Variants in ADCY3 observed in about 807,000 individuals in gnomAD.
The protein encoded by ADCY3 is adenylate cyclase type 3.
Under a neutral mutation model 119.4 loss-of-function variants are expected in ADCY3, and 70 were observed. The ratio of observed to expected loss-of-function variants is 0.59; its 90% CI spans 0.48 to 0.72. The LOEUF is 0.72. ADCY3 is among the 30% of genes least tolerant of loss of function. The pLI is 0.00. For missense variants in ADCY3, 1,238 were observed against 1,541.6 expected, an observed-to-expected ratio of 0.80 and a Z score of 3.30; for synonymous variants, 672 against 621.4, an observed-to-expected ratio of 1.08 and a Z score of -1.21.
chr2:24,912,941 T>C (rs1296102227), intron 2 of ADCY3, among the ~76,000 whole-genome samples: 5 of 152,222 alleles, frequency 3.3e-5, no homozygotes, highest in African/African-American at 1.2e-4. Context: ...GTTCAATGAC[T>C]GATTATTCCT....
Position 24,834,252 on chromosome 2 carries a change from GAT to G in ADCY3, c.1967+231_1967+232del, listed in dbSNP as rs1296719685. Among the ~76,000 whole-genome samples, 1 of 152,204 alleles carries G rather than the reference GAT, an allele frequency of 6.6e-6. No homozygotes were observed. Among genetic ancestry groups the G allele is most frequent in the African/African-American group, 2.4e-5 (1 of 41,432 alleles). ...CCCTCAGCTCTCTTGATCCTGGCCAGATCCCCATTCTGACGCTAGGACTGCTC... is the reference window on the plus strand; with the variant it reads ...CCCTCAGCTCTCTTGATCCTGGCCAGCCCCATTCTGACGCTAGGACTGCTC... On this transcript the variant is annotated intron_variant, in intron 11 of 21. Coordinates refer to ENST00000679454, the MANE Select transcript of ADCY3 (RefSeq NM_004036.5). This position sits in a 1 kb window ranked among gnomAD's most constrained non-coding sequence, Gnocchi z 4.2.
At chr2:24,863,388 T>C (rs1360225535) in intron 3 of ADCY3, among the ~76,000 whole-genome samples, 2 of 152,222 alleles carry the variant, frequency 1.3e-5, no homozygotes, top group Non-Finnish European at 2.9e-5. Context: ...AACAGTGGAC[T>C]TGAAGTTCTT....
At chr2:24,881,545 G>A (rs1210930293) in intron 2 of ADCY3, among the ~76,000 whole-genome samples, 1 of 152,194 alleles carries the variant, frequency 6.6e-6, no homozygotes. Flanking sequence ...TGCAGCTCCT[G>A]ATGCGTCTGT....
rs552121439 is a variant in ADCY3, at chr2:24,902,090, T to G, written c.675+16223A>C. On this transcript the variant is annotated intron_variant, in intron 2 of 21. Coordinates refer to ENST00000679454, the MANE Select transcript of ADCY3 (RefSeq NM_004036.5). The stretch of plus-strand genomic sequence containing the variant: ...TGTGTGTGTGTATTTGGTTTTTTTT[T>G]TTTTTTTTGAGACAGGGTCTCACTC... 3.9e-3 allele frequency among the ~76,000 whole-genome samples: 571 copies of G among 147,880 alleles called. 7 individuals are homozygous for G. The highest frequency in any genetic ancestry group is 0.014 in the African/African-American group (554 of 40,258).
chr2:24,853,590 C>G (rs1040589643), intron 3 of ADCY3, among the ~76,000 whole-genome samples: 1 of 151,764 alleles, frequency 6.6e-6, no homozygotes, highest in Non-Finnish European at 1.5e-5. Flanking sequence ...CTGCCTCAGC[C>G]TCCCGAGTAG....
intron 3 of ADCY3, among the ~76,000 whole-genome samples, chr2:24,864,588 A>C (rs1423041312): frequency 1.3e-5 from 2 of 152,244 alleles, no homozygotes; most frequent in Admixed American, 1.3e-4. Flanking sequence ...AACCTTGAAG[A>C]CATCATGCTA....
chr2:24,853,918 G>A (rs967769527), intron 3 of ADCY3, among the ~76,000 whole-genome samples: 1 of 152,188 alleles, frequency 6.6e-6, no homozygotes, highest in Non-Finnish European at 1.5e-5. Context: ...TATAGCCATT[G>A]AATGAGGATA....
intron 7 of ADCY3, chr2:24,838,921 C>T: frequency 6.5e-7 from 1 of 1,535,022 alleles, no homozygotes; most frequent in Non-Finnish European, 8.8e-7. Context: ...CGCTGTAAAG[C>T]AGATCAAATG....
chr2:24,834,378 TG>T lies in ADCY3; in HGVS notation c.1967+106del. The T allele has an allele frequency of 7.3e-7, 1 of 1,364,782 alleles. No individual in the cohort carries two copies. Among genetic ancestry groups the T allele is most frequent in the Non-Finnish European group, 9.9e-7 (1 of 1,012,900 alleles). 84.5% of individuals were successfully genotyped at this position (1,364,782 alleles called of 1,614,324 possible). On this transcript the variant is annotated intron_variant, in intron 11 of 21. Coordinates refer to ENST00000679454, the MANE Select transcript of ADCY3 (RefSeq NM_004036.5). This position sits in a 1 kb window ranked among gnomAD's most constrained non-coding sequence, Gnocchi z 4.2. ...CCAGTGGGGGTCAGGGAGCAGAGAC[TG>T]GCTTGCTCCCCAATGTCAGGCTCCC...
intron 2 of ADCY3, among the ~76,000 whole-genome samples, chr2:24,900,510 G>A (rs574468058): frequency 3.9e-5 from 6 of 151,904 alleles, no homozygotes; most frequent in Non-Finnish European, 5.9e-5. Context: ...TTTGTGTCCC[G>A]CAGCTAGGCA....
chr2:24,915,538 T>A (rs1664343908), intron 2 of ADCY3, among the ~76,000 whole-genome samples: 1 of 151,920 alleles, frequency 6.6e-6, no homozygotes, highest in Non-Finnish European at 1.5e-5. Context: ...AGCTTGTGTT[T>A]TTTGTTGTTT....
At chr2:24,864,601 T>C (rs1674064214) in intron 3 of ADCY3, among the ~76,000 whole-genome samples, 1 of 152,240 alleles carries the variant, frequency 6.6e-6, no homozygotes, top group East Asian at 1.9e-4. Context: ...TCATGCTAAG[T>C]GAAATAAGCC....
rs374251820 is a variant in ADCY3 at position 24,834,443 on chromosome 2, G to A, written c.1967+42C>T. 1.7e-5 allele frequency: 23 copies of A among 1,367,354 alleles called. No individual in the cohort carries two copies. The highest frequency in any genetic ancestry group is 3.6e-5 in the South Asian group (2 of 55,136). The allele number at this position is 1,367,354 out of a possible 1,614,324, so 84.7% of individuals were successfully genotyped here. On this transcript the variant is annotated intron_variant, in intron 11 of 21. Transcript: ENST00000679454. The surrounding 1 kb of genome is among the most constrained non-coding windows in gnomAD (Gnocchi z 4.2). Reference sequence around the variant, plus strand: ...CCCCCGCCCCCCGCCCGGCACCACCGCAGCCGAGGAAACTCGTGGCCCTCC... The same window carrying A: ...CCCCCGCCCCCCGCCCGGCACCACCACAGCCGAGGAAACTCGTGGCCCTCC...
chr2:24,905,781 A>C (rs900402096), intron 2 of ADCY3, among the ~76,000 whole-genome samples: 1 of 152,214 alleles, frequency 6.6e-6, no homozygotes, highest in Admixed American at 6.5e-5. Context: ...ATCCCAGTGA[A>C]AAAGGTATTA....
intron 2 of ADCY3, among the ~76,000 whole-genome samples, chr2:24,914,161 T>C (rs1195609877): frequency 6.6e-6 from 1 of 152,184 alleles, no homozygotes; most frequent in Non-Finnish European, 1.5e-5. Flanking sequence ...GGGCAAACAC[T>C]GCCAGCCTCG....
Position 24,827,910 on chromosome 2 carries a change from C to T in ADCY3, c.2424G>A (p.Arg808=), listed in dbSNP as rs1275702168. 8.1e-6 allele frequency: 13 copies of T among 1,614,074 alleles called. No individual in the cohort carries two copies. Among genetic ancestry groups the T allele is most frequent in the Middle Eastern group, 1.6e-4 (1 of 6,062 alleles). The change falls in exon 14 of 22, where the codon CGG becomes CGA. Residue 808 remains arginine, a synonymous_variant. Transcript: ENST00000679454. ...VFDEYDHKRF[R]EHDLPMVALE... ...GTCACGCTTCATCTTACTCGTGCTC[C>T]CGAAAACGCTTGTGGTCGTATTCAT...
rs147852051 is a variant in ADCY3 at position 24,880,383 on chromosome 2, G to A, written c.676-7664C>T. Among the ~76,000 whole-genome samples, 523 of 152,088 alleles carry A rather than the reference G, an allele frequency of 3.4e-3. 6 individuals are homozygous for A. Among genetic ancestry groups the A allele is most frequent in the Admixed American group, 0.027 (416 of 15,294 alleles). On this transcript the variant is annotated intron_variant, in intron 2 of 21. Coordinates refer to ENST00000679454, the MANE Select transcript of ADCY3 (RefSeq NM_004036.5). ...CCCCAGGCTCTACTGTCTTGACTCT[G>A]GTTGCTCCTCAACAGGCTCCCCTCC...
At chr2:24,862,545 C>CAA (rs3037308) in intron 3 of ADCY3, among the ~76,000 whole-genome samples, 57,414 of 138,964 alleles carry the variant, frequency 0.41, 12,911 homozygotes, top group African/African-American at 0.63. Flanking sequence ...GACTCCGCCT[C>CAA]AAAAAAAAAA....
At chr2:24,871,046 C>T (rs1224785468) in intron 3 of ADCY3, among the ~76,000 whole-genome samples, 2 of 151,980 alleles carry the variant, frequency 1.3e-5, no homozygotes, top group Non-Finnish European at 1.5e-5. Context: ...CAATATGAGA[C>T]AGACAAGATC....
Sources: gnomAD v4.1 joint callset for allele counts (sites outside exome capture counted in the v4.1 genomes callset) on GRCh38, gnomAD v4.1.1 for gene constraint, Gnocchi (gnomAD v3.1) non-coding constraint, MANE v1.5 for transcripts, NCBI Gene and HGNC (gene_info 2026-07-23, HGNC 2026-07-21) for gene names.